Variants in DCUN1D4 observed in about 807,000 individuals in gnomAD.
The protein encoded by DCUN1D4 is defective in cullin neddylation 1 domain containing 4.
In DCUN1D4, 22 loss-of-function variants were observed where a neutral mutation model predicts 47.9. The ratio of observed to expected loss-of-function variants is 0.46; its 90% CI spans 0.33 to 0.66. DCUN1D4 has a LOEUF of 0.66. Ranked by LOEUF, DCUN1D4 falls within the 30% of genes least tolerant of loss-of-function variation. The probability of loss-of-function intolerance (pLI) is 0.02; values close to 1 mark genes in which losing one functional copy is unlikely to be tolerated. For synonymous variants in DCUN1D4, 121 were observed against 112.2 expected (o/e 1.08, Z -0.50); for missense variants, 301 against 340.8 (o/e 0.88, Z 0.92).
chr4:51,872,842 A>G (rs1486415501), intron 3 of DCUN1D4, among the ~76,000 whole-genome samples: 1 of 152,304 alleles, frequency 6.6e-6, no homozygotes, highest in East Asian at 1.9e-4. Context: ...GTGTCCTGAG[A>G]GTTCAGTGAA....
At chr4:51,892,003 C>G (rs1730503393) in intron 7 of DCUN1D4, 152 bp downstream of exon 7, 1 of 610,556 alleles carries the variant, frequency 1.6e-6, no homozygotes, top group Non-Finnish European at 2.9e-6. Flanking sequence ...AAGACTAAGA[C>G]CCATTTTGAG....
chr4:51,880,525 C>T (rs1728432637), intron 5 of DCUN1D4, among the ~76,000 whole-genome samples: 1 of 152,196 alleles, frequency 6.6e-6, no homozygotes, highest in Non-Finnish European at 1.5e-5. Flanking sequence ...TCCGTGGCTC[C>T]TGAGGCCTGA....
chr4:51,838,034 G>A (rs182575841), upstream of DCUN1D4, among the ~76,000 whole-genome samples: 188 of 152,176 alleles, frequency 1.2e-3, 2 homozygotes, highest in East Asian at 2.5e-3. Flanking sequence ...AAAATTAGCC[G>A]GGCATGGTGG....
chr4:51,841,578 T>C (rs1721655274), upstream of DCUN1D4, among the ~76,000 whole-genome samples: 1 of 152,172 alleles, frequency 6.6e-6, no homozygotes, highest in African/African-American at 2.4e-5. Context: ...GGTACAGTTC[T>C]GAGATTCCAT....
the DCUN1D4 span, among the ~76,000 whole-genome samples, chr4:51,834,114 C>CTTTTTTTTTT: frequency 0.092 from 3,398 of 37,104 alleles, 765 homozygotes; most frequent in African/African-American, 0.3. Context: ...TTTTTTTTTT[C>CTTTTTTTTTT]TTTTTTTTTT....
intron 3 of DCUN1D4, among the ~76,000 whole-genome samples, chr4:51,866,640 A>T (rs142106901): frequency 6.6e-6 from 1 of 152,126 alleles, no homozygotes; most frequent in Non-Finnish European, 1.5e-5. Context: ...ATGCAGGAAT[A>T]TAACTTTTGG....
intron 8 of DCUN1D4, among the ~76,000 whole-genome samples, chr4:51,901,889 TCA>T: frequency 6.6e-6 from 1 of 152,226 alleles, no homozygotes. Context: ...CCGGATAGAT[TCA>T]GTTTAGCTAA....
intron 1 of DCUN1D4, chr4:51,844,892 C>G (rs57035235): frequency 1.0e-6 from 1 of 985,312 alleles, no homozygotes; most frequent in African/African-American, 1.7e-5. Flanking sequence ...TCGGCCAACT[C>G]GTGCTTTATT....
rs1212711589 is a variant in DCUN1D4 at position 51,881,681 on chromosome 4, G to GA, written c.343+3837dup. Among the ~76,000 whole-genome samples the GA allele has an allele frequency of 8.9e-3, 1,216 of 136,558 alleles. 14 individuals carry two copies. Among genetic ancestry groups the GA allele is most frequent in the African/African-American group, 0.031 (1,142 of 37,422 alleles). The allele number at this position is 136,558 out of a possible 152,430, so 89.6% of individuals were successfully genotyped here. Reference sequence around the variant, plus strand: ...AAGTTAAAAAAAAAAAAAAAAACAAGAAAAAAAAAACCTCTCTGTCTCAAA... The same window carrying GA: ...AAGTTAAAAAAAAAAAAAAAAACAAGAAAAAAAAAAACCTCTCTGTCTCAAA... On this transcript the variant is annotated intron_variant, in intron 5 of 10. Coordinates refer to ENST00000334635, the MANE Select transcript of DCUN1D4 (RefSeq NM_001040402.3).
chr4:51,851,260 A>T (rs1302439930), intron 1 of DCUN1D4, among the ~76,000 whole-genome samples: 1 of 152,138 alleles, frequency 6.6e-6, no homozygotes. Flanking sequence ...TTCATTGTGG[A>T]GACAGAAGGA....
Position 51,863,463 on chromosome 4 carries a change from A to T in DCUN1D4, c.52A>T (p.Thr18Ser). ...VNFQLNSHLS[T>S]LANIHKIYHT... ...TTTTCAGCTGAACTCTCATCTCTCA[A>T]CACTGGCAAATATTCATAAGATCTA... is the stretch of plus-strand genomic sequence containing the variant. Residue 18 changes from threonine to serine, a missense_variant, in exon 2 of 11, where the codon ACA (threonine) becomes TCA (serine). Thr to Ser is a moderately conservative substitution (Grantham distance 58, BLOSUM62 1). This residue lies in a region of DCUN1D4 where 131 missense variants were observed against 106.3 expected (regional missense o/e 1.23). Transcript: ENST00000334635. 1 of 1,612,994 alleles carries T rather than the reference A, an allele frequency of 6.2e-7. No individual in the cohort carries two copies. Among genetic ancestry groups the T allele is most frequent in the Non-Finnish European group, 8.5e-7 (1 of 1,179,490 alleles).
At chr4:51,855,003 G>T (rs1198363090) in intron 1 of DCUN1D4, among the ~76,000 whole-genome samples, 1 of 152,140 alleles carries the variant, frequency 6.6e-6, no homozygotes, top group Non-Finnish European at 1.5e-5. Flanking sequence ...CTGGTCCCAA[G>T]CATTTCTGAT....
intron 8 of DCUN1D4, among the ~76,000 whole-genome samples, chr4:51,901,688 C>T (rs1732146058): frequency 6.6e-6 from 1 of 152,194 alleles, no homozygotes; most frequent in Non-Finnish European, 1.5e-5. Flanking sequence ...GTTACATACC[C>T]CTGGTGTCTC....
At chr4:51,867,211 A>G (rs1726081857) in intron 3 of DCUN1D4, among the ~76,000 whole-genome samples, 2 of 152,180 alleles carry the variant, frequency 1.3e-5, no homozygotes, top group African/African-American at 2.4e-5. Flanking sequence ...TGAGGGGAAC[A>G]AGGTGGCGCC....
chr4:51,887,082 A>G (rs1227501723), intron 6 of DCUN1D4: 4 of 449,260 alleles, frequency 8.9e-6, no homozygotes, highest in East Asian at 7.0e-5. Context: ...TTTACTTCCA[A>G]TTGAATTTAG....
At chr4:51,889,391 T>C (rs559433097) in intron 6 of DCUN1D4, among the ~76,000 whole-genome samples, 1 of 152,364 alleles carries the variant, frequency 6.6e-6, no homozygotes, top group Middle Eastern at 3.4e-3. Flanking sequence ...TTACAGCTTA[T>C]GAAATTAAGC....
At chr4:51,853,783 C>T (rs752711312) in intron 1 of DCUN1D4, among the ~76,000 whole-genome samples, 7 of 152,136 alleles carry the variant, frequency 4.6e-5, no homozygotes, top group Non-Finnish European at 1.0e-4. Context: ...AATTAGGAAG[C>T]TGGGTTTATT....
chr4:51,903,385 T>C (rs1483410353), intron 8 of DCUN1D4, among the ~76,000 whole-genome samples: 1 of 152,214 alleles, frequency 6.6e-6, no homozygotes. Flanking sequence ...TTCTCACCTT[T>C]ATTCCTCTAA....
At chr4:51,891,071 A>T (rs900171640) in intron 6 of DCUN1D4, among the ~76,000 whole-genome samples, 2 of 152,246 alleles carry the variant, frequency 1.3e-5, no homozygotes, top group Non-Finnish European at 2.9e-5. Flanking sequence ...CTACTTTAAA[A>T]TAATTTCCCA....
Sources: gnomAD v4.1 joint callset for allele counts (sites outside exome capture counted in the v4.1 genomes callset) on GRCh38, gnomAD v4.1.1 for gene constraint, gnomAD v4.1.1 regional missense constraint, MANE v1.5 for transcripts, NCBI Gene and HGNC (gene_info 2026-07-23, HGNC 2026-07-21) for gene names.